Variants in ANKRD6 observed in about 807,000 individuals in gnomAD.
ANKRD6 encodes ankyrin repeat domain 6.
In ANKRD6, 56 loss-of-function variants were observed where a neutral mutation model predicts 82.3. That is an observed-to-expected ratio of 0.68 (90% CI 0.55 to 0.85). ANKRD6 has a LOEUF of 0.85. ANKRD6 is among the 40% of genes least tolerant of loss of function. The pLI is 0.00. For missense variants in ANKRD6, 852 were observed against 907.6 expected, an observed-to-expected ratio of 0.94 and a Z score of 0.79; for synonymous variants, 347 against 352.1, an observed-to-expected ratio of 0.99 and a Z score of 0.16.
At chr6:89,596,862 A>G (rs1316945862) in intron 3 of ANKRD6, among the ~76,000 whole-genome samples, 1 of 152,254 alleles carries the variant, frequency 6.6e-6, no homozygotes, top group Non-Finnish European at 1.5e-5. Context: ...TGGTTGCAAC[A>G]CTAATTCATG....
chr6:89,546,882 A>G (rs1418876103), intron 1 of ANKRD6, among the ~76,000 whole-genome samples: 1 of 152,230 alleles, frequency 6.6e-6, no homozygotes, highest in Non-Finnish European at 1.5e-5. Context: ...GAGCGCCTGC[A>G]GTCAGCCCCT....
chr6:89,452,941 A>G (rs1369503074), intron 1 of ANKRD6, among the ~76,000 whole-genome samples: 1 of 152,178 alleles, frequency 6.6e-6, no homozygotes, highest in South Asian at 2.1e-4. Context: ...TGACCGCTGG[A>G]CTGATGGTTC....
At chr6:89,460,659 C>T (rs555555872) in intron 1 of ANKRD6, among the ~76,000 whole-genome samples, 20 of 152,196 alleles carry the variant, frequency 1.3e-4, no homozygotes, top group African/African-American at 4.6e-4. Context: ...TGGTCTCGAA[C>T]TCCTGACCCC....
chr6:89,589,720 G>T (rs377179298), intron 2 of ANKRD6, among the ~76,000 whole-genome samples: 6 of 152,362 alleles, frequency 3.9e-5, no homozygotes, highest in Admixed American at 3.3e-4. Context: ...TTATGCTGGA[G>T]TTAGATCCAC....
intron 2 of ANKRD6, among the ~76,000 whole-genome samples, chr6:89,573,078 A>G (rs1160138461): frequency 6.6e-6 from 1 of 152,078 alleles, no homozygotes; most frequent in Non-Finnish European, 1.5e-5. Flanking sequence ...CTCCTGCCTC[A>G]GCCTCCTGAG....
At chr6:89,501,517 C>G (rs1196835516) in intron 1 of ANKRD6, among the ~76,000 whole-genome samples, 1 of 152,204 alleles carries the variant, frequency 6.6e-6, no homozygotes. Context: ...CTCCCAGCCA[C>G]GAGAATGCTA....
At chr6:89,493,862 TACTG>T (rs1778304571) in intron 1 of ANKRD6, among the ~76,000 whole-genome samples, 1 of 152,152 alleles carries the variant, frequency 6.6e-6, no homozygotes, top group Non-Finnish European at 1.5e-5. Context: ...TATAAGGTAA[TACTG>T]ACAGGTTTCA....
chr6:89,465,703 A>T (rs997283036), intron 1 of ANKRD6, among the ~76,000 whole-genome samples: 5 of 151,926 alleles, frequency 3.3e-5, no homozygotes, highest in African/African-American at 1.2e-4. Flanking sequence ...TCTACAAAAA[A>T]TTTTTTAAAA....
At chr6:89,479,441 T>C (rs915065609) in intron 1 of ANKRD6, among the ~76,000 whole-genome samples, 2 of 152,218 alleles carry the variant, frequency 1.3e-5, no homozygotes, top group East Asian at 1.9e-4. Flanking sequence ...TTCTACCAGA[T>C]GGAGCTTTCC....
intron 1 of ANKRD6, among the ~76,000 whole-genome samples, chr6:89,565,082 A>T (rs1361425720): frequency 6.6e-6 from 1 of 152,214 alleles, no homozygotes; most frequent in Non-Finnish European, 1.5e-5. Flanking sequence ...ACGGTCTGGG[A>T]AAGATAAAGC....
At chr6:89,578,589 T>C (rs185086953) in intron 2 of ANKRD6, among the ~76,000 whole-genome samples, 31 of 152,280 alleles carry the variant, frequency 2.0e-4, no homozygotes, top group African/African-American at 7.5e-4. Context: ...AGCCACCGCA[T>C]CCAGCCTGAT....
At chr6:89,607,472 T>C (rs763326257) in intron 5 of ANKRD6, among the ~76,000 whole-genome samples, 1 of 152,266 alleles carries the variant, frequency 6.6e-6, no homozygotes, top group South Asian at 2.1e-4. Context: ...AGATCATATA[T>C]AGTACATGTC....
intron 2 of ANKRD6, among the ~76,000 whole-genome samples, chr6:89,573,553 A>G (rs1276731264): frequency 1.3e-5 from 2 of 152,028 alleles, no homozygotes; most frequent in Non-Finnish European, 2.9e-5. Flanking sequence ...CCTGTATTAG[A>G]TCCCTGTTTG....
chr6:89,498,108 A>G (rs1359503422), intron 1 of ANKRD6, among the ~76,000 whole-genome samples: 2 of 152,230 alleles, frequency 1.3e-5, no homozygotes, highest in Non-Finnish European at 2.9e-5. Flanking sequence ...AAATTTCACA[A>G]TTAGACTAGT....
intron 1 of ANKRD6, among the ~76,000 whole-genome samples, chr6:89,464,424 C>T (rs772155291): frequency 6.6e-6 from 1 of 152,206 alleles, no homozygotes; most frequent in Non-Finnish European, 1.5e-5. Context: ...ATCCTTGCCT[C>T]CATACAGAAA....
chr6:89,510,587 T>A (rs528467888), intron 1 of ANKRD6, among the ~76,000 whole-genome samples: 1 of 152,158 alleles, frequency 6.6e-6, no homozygotes, highest in Admixed American at 6.5e-5. Context: ...ATTCTGTGGG[T>A]TTTGGTATAT....
At chr6:89,464,864 A>G (rs1774644871) in intron 1 of ANKRD6, among the ~76,000 whole-genome samples, 1 of 152,226 alleles carries the variant, frequency 6.6e-6, no homozygotes, top group Non-Finnish European at 1.5e-5. Flanking sequence ...CACATGCGGC[A>G]TAAGATTTCA....
intron 2 of ANKRD6, among the ~76,000 whole-genome samples, chr6:89,595,278 G>A (rs1358490503): frequency 4.6e-5 from 7 of 152,274 alleles, no homozygotes; most frequent in South Asian, 4.1e-4. Flanking sequence ...CAGGAGAATC[G>A]CTTGAGCCTG....
Position 89,615,016 on chromosome 6 carries a change from TAAAG to T in ANKRD6, c.615+1127_615+1130del, listed in dbSNP as rs1801199744. Among the ~76,000 whole-genome samples the T allele has an allele frequency of 4.6e-5, 7 of 152,286 alleles. No individual in the cohort carries two copies. In the South Asian group the frequency reaches 1.5e-3, roughly 32 times the overall value. Reference sequence around the variant, plus strand: ...AGTGCCATGCAATGGGGTTTTGAAATAAAGCTGTGAATATTACCGTCTTCCTTAG... The same window carrying T: ...AGTGCCATGCAATGGGGTTTTGAAATCTGTGAATATTACCGTCTTCCTTAG... On this transcript the variant is annotated intron_variant, in intron 7 of 15. Coordinates refer to ENST00000339746, the MANE Select transcript of ANKRD6 (RefSeq NM_001242809.2).
Sources: allele counts gnomAD v4.1 joint callset (sites outside exome capture counted in the v4.1 genomes callset), GRCh38; gene constraint gnomAD v4.1.1; transcripts MANE v1.5; gene names NCBI Gene and HGNC (gene_info 2026-07-23, HGNC 2026-07-21).